VNN2: variants seen among roughly 807,000 people sequenced by gnomAD.
VNN2 encodes the protein vanin 2.
VNN2 carries 43 observed loss-of-function variants against 43.0 expected under a neutral mutation model. That is an observed-to-expected ratio of 1.00 (90% CI 0.78 to 1.29). VNN2 has a LOEUF of 1.29. Among genes scored for constraint, VNN2 ranks in the 50% most tolerant of loss-of-function variants. The pLI, the probability that VNN2 is intolerant of heterozygous loss-of-function variation, is 0.00. For missense variants in VNN2, 652 were observed against 619.7 expected (o/e 1.05, Z -0.55); for synonymous variants, 230 against 224.3 (o/e 1.03, Z -0.23).
At chr6:132,746,254 A>G (rs766868079) in intron 6 of VNN2, among the ~76,000 whole-genome samples, 1 of 152,342 alleles carries the variant, frequency 6.6e-6, no homozygotes, top group Middle Eastern at 3.4e-3. Flanking sequence ...CACCCTTTTA[A>G]CATAAAACTA....
rs1341455134 is a variant in VNN2 at position 132,744,143 on chromosome 6, T to TAATACTTAAAA, written c.*146_*156dup. The TAATACTTAAAA allele has an allele frequency of 1.6e-6, 1 of 608,228 alleles. No homozygotes were observed. The highest frequency in any genetic ancestry group is 2.6e-6 in the Non-Finnish European group (1 of 385,756). The allele number at this position is 608,228 out of a possible 1,614,324, so 37.7% of individuals were successfully genotyped here. A position where few individuals can be genotyped will look rare whatever the true frequency, so the allele number is the denominator to read the frequency against. ...GCCAAAAAAATGGACAACATTATCA[T>TAATACTTAAAA]AATACTTAAAAAATAATTATTGATG... On this transcript the variant is annotated 3_prime_UTR_variant, in exon 7 of 7. Coordinates refer to ENST00000326499, the MANE Select transcript of VNN2 (RefSeq NM_004665.6).
At chr6:132,760,250 C>T (rs964530083), upstream of VNN2, among the ~76,000 whole-genome samples, 5 of 152,162 alleles carry the variant, frequency 3.3e-5, no homozygotes, top group African/African-American at 9.7e-5. Flanking sequence ...TCATGGCTCA[C>T]TTCAGCCTCC....
chr6:132,751,445 G>A lies in VNN2; in HGVS notation c.900C>T (p.Leu300=). The A allele has an allele frequency of 1.9e-6, 3 of 1,614,132 alleles. No homozygotes were observed. Among genetic ancestry groups the A allele is most frequent in the East Asian group, 4.5e-5 (2 of 44,878 alleles). Residue 300 remains leucine (L), a synonymous_variant, in exon 5 of 7, where the codon CTC becomes CTT. Coordinates refer to ENST00000326499, the MANE Select transcript of VNN2 (RefSeq NM_004665.6). ...YDMKTELGKL[L]LSEVDSHPLS... is the part of the protein sequence containing the mutation. ...GGGGATGTGAATCCACCTCTGAAAG[G>A]AGAAGTTTTCCCAACTCTGTCTTCA...
In VNN2 at chr6:132,755,887, C is replaced by A; in HGVS notation, c.493G>T (p.Val165Leu). 6.2e-7 allele frequency: 1 copy of A among 1,613,966 alleles called. No individual in the cohort carries two copies. Among genetic ancestry groups the A allele is most frequent in the Non-Finnish European group, 8.5e-7 (1 of 1,180,002 alleles). Reference sequence around the variant, plus strand: ...AGTTTTCCTTCTGTATTATACACCACATTGGTATTGTATTGAAAGTAGCCA... The same window carrying A: ...AGTTTTCCTTCTGTATTATACACCAAATTGGTATTGTATTGAAAGTAGCCA... ...PNGYFQYNTN[V>L]VYNTEGKLVA... is the part of the protein sequence containing the mutation. The change falls in exon 3 of 7, where the codon GTG becomes TTG. Residue 165 changes from valine (V) to leucine (L), a missense_variant. By Grantham distance (32) the Val-to-Leu change is conservative (BLOSUM62 1). Coordinates refer to ENST00000326499, the MANE Select transcript of VNN2 (RefSeq NM_004665.6).
chr6:132,751,521 G>A lies in VNN2; in HGVS notation c.827-3C>T, dbSNP rs1780101270. 2 of 1,593,664 alleles carry A rather than the reference G, an allele frequency of 1.3e-6. No homozygotes were observed. Among genetic ancestry groups the A allele is most frequent in the Non-Finnish European group, 1.7e-6 (2 of 1,170,110 alleles). ...ATTTGGTGCATAAATACCACTTCCT[G>A]TGAATGAAAGACAAGTCTTCTAAAA... On this transcript the variant is annotated splice_region_variant and splice_polypyrimidine_tract_variant and intron_variant, in intron 4 of 6. Coordinates refer to ENST00000326499, the MANE Select transcript of VNN2 (RefSeq NM_004665.6).
intron 2 of VNN2, among the ~76,000 whole-genome samples, chr6:132,756,413 C>G (rs1213951649): frequency 1.3e-5 from 2 of 152,158 alleles, no homozygotes; most frequent in Non-Finnish European, 2.9e-5. Flanking sequence ...TAAAGCAAAA[C>G]TCCTCAAAAG....
At chr6:132,755,095 A>T (rs1780371219) in intron 3 of VNN2, among the ~76,000 whole-genome samples, 1 of 152,176 alleles carries the variant, frequency 6.6e-6, no homozygotes, top group Non-Finnish European at 1.5e-5. Flanking sequence ...ACTAGAGCCC[A>T]GGAGTTTGAG....
upstream of VNN2, chr6:132,760,794 C>T (rs900432435): frequency 6.6e-6 from 1 of 152,110 alleles, no homozygotes; most frequent in African/African-American, 2.4e-5. Context: ...ATGTTTTTCT[C>T]TGTCCTTGGC....
chr6:132,745,927 G>A (rs535640606), intron 6 of VNN2, among the ~76,000 whole-genome samples: 276 of 152,322 alleles, frequency 1.8e-3, no homozygotes, highest in Non-Finnish European at 3.1e-3. Flanking sequence ...TTGGAGTGGA[G>A]AAGAAATTGA....
intron 2 of VNN2, among the ~76,000 whole-genome samples, chr6:132,757,200 T>C (rs1780526905): frequency 6.6e-6 from 1 of 152,236 alleles, no homozygotes; most frequent in Non-Finnish European, 1.5e-5. Flanking sequence ...AATACCCTAT[T>C]TACACATTTT....
intron 2 of VNN2, 41 bp from the exon 3 acceptor site, chr6:132,756,076 A>T: frequency 6.7e-7 from 1 of 1,485,090 alleles, no homozygotes; most frequent in Non-Finnish European, 9.0e-7. Flanking sequence ...TTTTAAAAAA[A>T]TATTTTAGTC....
Position 132,744,025 on chromosome 6 carries a change from G to A in VNN2, c.*275C>T, listed in dbSNP as rs146903698. 40 of 257,424 alleles carry A rather than the reference G, an allele frequency of 1.6e-4. 1 individual carries two copies. In the East Asian group the frequency reaches 3.9e-3, roughly 25 times the overall value. 15.9% of individuals were successfully genotyped at this position (257,424 alleles called of 1,614,324 possible). On this transcript the variant is annotated 3_prime_UTR_variant, in exon 7 of 7. Coordinates refer to ENST00000326499, the MANE Select transcript of VNN2 (RefSeq NM_004665.6). The stretch of plus-strand genomic sequence containing the variant: ...GTCCCCCATACACACAAAGTCTCAA[G>A]CAAATGAGGCTGGAGCTGGAGTTTG...
At chr6:132,758,003 C>A (rs913856153), upstream of VNN2, 2 of 137,310 alleles carry the variant, frequency 1.5e-5, no homozygotes, top group Non-Finnish European at 2.3e-5. Context: ...CATCATTTTT[C>A]TTCTTCTTCT....
chr6:132,744,331 A>T lies in VNN2; in HGVS notation c.1532T>A (p.Ile511Asn). ...CATTACAATATTTTGCAAAGCTATGATCATTAATAATATGAATATTAGCAG... is the reference window on the plus strand; with the variant it reads ...CATTACAATATTTTGCAAAGCTATGTTCATTAATAATATGAATATTAGCAG... ...TYLLIFILLM[I>N]IALQNIVML The change falls in exon 7 of 7, where the codon ATC becomes AAC. Residue 511 changes from isoleucine to asparagine, a missense_variant. By Grantham distance (149) the Ile-to-Asn change is moderately radical (BLOSUM62 -3). Transcript: ENST00000326499. 8 of 1,612,990 alleles carry T rather than the reference A, an allele frequency of 5.0e-6. No homozygotes were observed. Among genetic ancestry groups the T allele is most frequent in the Non-Finnish European group, 6.8e-6 (8 of 1,179,716 alleles).
At chr6:132,750,195 A>G (rs1439421796) in intron 5 of VNN2, among the ~76,000 whole-genome samples, 1 of 152,166 alleles carries the variant, frequency 6.6e-6, no homozygotes, top group Non-Finnish European at 1.5e-5. Context: ...TGAAGCTGAA[A>G]GGATATTAAA....
Position 132,757,430 on chromosome 6 carries a change from AC to A in VNN2, c.329del (p.Cys110PhefsTer88). Reference protein sequence around the residue: ...IPDPQVNWIPCQDPHRFGHTP... With the variant: ...IPDPQVNWIPXQDPHRFGHTP... ...AGTTAAAATACCTGTGGGGGTCTTGACACGGAATCCAGTTCACCTGAGGGTC... is the reference window on the plus strand; with the variant it reads ...AGTTAAAATACCTGTGGGGGTCTTGAACGGAATCCAGTTCACCTGAGGGTC... On this transcript the variant is annotated frameshift_variant, in exon 2 of 7. Coordinates refer to ENST00000326499, the MANE Select transcript of VNN2 (RefSeq NM_004665.6). LOFTEE classifies it high-confidence loss of function. 2 of 1,606,690 alleles carry A rather than the reference AC, an allele frequency of 1.2e-6. No homozygotes were observed. Among genetic ancestry groups the A allele is most frequent in the Non-Finnish European group, 1.7e-6 (2 of 1,177,866 alleles).
At chr6:132,747,832 C>G (rs35176445) in intron 6 of VNN2, among the ~76,000 whole-genome samples, 1 of 152,120 alleles carries the variant, frequency 6.6e-6, no homozygotes, top group Non-Finnish European at 1.5e-5. Context: ...TGCACTATCA[C>G]CATCCACCTT....
At chr6:132,760,919 T>C (rs1780723866), upstream of VNN2, 1 of 152,214 alleles carries the variant, frequency 6.6e-6, no homozygotes. Context: ...TCCTTTGTTT[T>C]TTTATTTGAA....
At chr6:132,757,947 A>C, upstream of VNN2, 1 of 1,363,050 alleles carries the variant, frequency 7.3e-7, no homozygotes, top group Non-Finnish European at 1.0e-6. Flanking sequence ...AGAGGGGAGA[A>C]TGTTTGCATA....
Sources: allele counts gnomAD v4.1 joint callset (sites outside exome capture counted in the v4.1 genomes callset), GRCh38; gene constraint gnomAD v4.1.1; transcripts MANE v1.5; gene names NCBI Gene and HGNC (gene_info 2026-07-23, HGNC 2026-07-21).